BAALC: variants seen among roughly 807,000 people sequenced by gnomAD.
The protein encoded by BAALC is BAALC binder of MAP3K1 and KLF4, also known as brain and acute leukemia cytoplasmic protein.
A neutral mutation model predicts 15.5 loss-of-function variants in BAALC; 9 were observed. That is an observed-to-expected ratio of 0.58 (90% CI 0.35 to 1.02). The LOEUF is 1.02. BAALC is among the 50% of genes least tolerant of loss of function. The pLI, the probability that BAALC is intolerant of heterozygous loss-of-function variation, is 0.02. For synonymous variants in BAALC, 80 were observed against 74.6 expected (o/e 1.07, Z -0.37); for missense variants, 201 against 192.4 (o/e 1.04, Z -0.27).
Position 103,154,722 on chromosome 8 carries a change from T to C in BAALC, c.160+13665T>C, listed in dbSNP as rs1256806787. ...TGCTGCTCCTGCCCTTCTGCTTCAG[T>C]TATGTGTTCCCTGATAGCACACACC... On this transcript the variant is annotated intron_variant, in intron 1 of 2. Coordinates refer to ENST00000309982, the MANE Select transcript of BAALC (RefSeq NM_024812.3). The C allele has an allele frequency of 9.1e-5, 14 of 154,554 alleles. No individual in the cohort carries two copies. The East Asian group carries it at 2.7e-3, about 30-fold the overall frequency. The allele number at this position is 154,554 out of a possible 1,614,324, so 9.6% of individuals were successfully genotyped here.
rs79567906 is a variant in BAALC, at chr8:103,203,306, G to A, written c.161-9613G>A. Among the ~76,000 whole-genome samples, 66 of 152,318 alleles carry A rather than the reference G, an allele frequency of 4.3e-4. 1 individual carries two copies. The East Asian group carries it at 0.011, about 24-fold the overall frequency. On this transcript the variant is annotated intron_variant, in intron 1 of 2. Coordinates refer to ENST00000309982, the MANE Select transcript of BAALC (RefSeq NM_024812.3). Reference sequence around the variant, plus strand: ...GCTAGTGCTACATTGTCTAGTATATGAGTCCACTAGTCAGTTTCTCTCCTT... The same window carrying A: ...GCTAGTGCTACATTGTCTAGTATATAAGTCCACTAGTCAGTTTCTCTCCTT...
chr8:103,149,305 G>C (rs757342605), intron 1 of BAALC, among the ~76,000 whole-genome samples: 1 of 152,154 alleles, frequency 6.6e-6, no homozygotes, highest in Admixed American at 6.5e-5. Context: ...CTGAGTGCCC[G>C]TGCTGCTCCA....
intron 1 of BAALC, among the ~76,000 whole-genome samples, chr8:103,189,497 C>G (rs1376681801): frequency 6.6e-6 from 1 of 152,200 alleles, no homozygotes; most frequent in Non-Finnish European, 1.5e-5. Context: ...AGGGAATAGA[C>G]AGCCCAGCTG....
intron 1 of BAALC, among the ~76,000 whole-genome samples, chr8:103,184,022 A>G (rs1037639562): frequency 1.3e-5 from 2 of 152,076 alleles, no homozygotes; most frequent in African/African-American, 2.4e-5. Flanking sequence ...GGGAGAATCC[A>G]TTTCCTTTCC....
Position 103,227,986 on chromosome 8 carries a change from C to A in BAALC, c.328-3C>A. The A allele has an allele frequency of 6.2e-7, 1 of 1,602,224 alleles. No individual in the cohort carries two copies. Among genetic ancestry groups the A allele is most frequent in the Non-Finnish European group, 8.5e-7 (1 of 1,170,522 alleles). On this transcript the variant is annotated splice_polypyrimidine_tract_variant and splice_region_variant and intron_variant, in intron 2 of 2. Coordinates refer to ENST00000309982, the MANE Select transcript of BAALC (RefSeq NM_024812.3). The stretch of plus-strand genomic sequence containing the variant: ...ACTCAATTCACTGTTTTCAACTTAA[C>A]AGGCTAAAAGAGATGCTAAGAGAAT...
intron 1 of BAALC, among the ~76,000 whole-genome samples, chr8:103,182,993 A>G (rs62527649): frequency 0.074 from 11,196 of 152,300 alleles, 578 homozygotes; most frequent in Non-Finnish European, 0.12. Context: ...TTTTCCCAGA[A>G]GCCCCACAGA....
At position 103,228,763 on chromosome 8, in the gene BAALC, G is replaced by T. The variant is rs918759540; in HGVS notation, c.*664G>T. On this transcript the variant is annotated 3_prime_UTR_variant, in exon 3 of 3. Coordinates refer to ENST00000309982, the MANE Select transcript of BAALC (RefSeq NM_024812.3). ...AAGCAGTCATACCTGCTCCTCATCT[G>T]CCTGGAAAGTCCTCCTATTCCAGTG... 2 of 152,262 alleles carry T rather than the reference G, an allele frequency of 1.3e-5. No homozygotes were observed. The highest frequency in any genetic ancestry group is 2.9e-5 in the Non-Finnish European group (2 of 68,098). The allele number at this position is 152,262 out of a possible 1,614,324, so 9.4% of individuals were successfully genotyped here.
At chr8:103,196,701 G>A (rs145404546) in intron 1 of BAALC, among the ~76,000 whole-genome samples, 16 of 152,206 alleles carry the variant, frequency 1.1e-4, no homozygotes, top group African/African-American at 3.6e-4. Flanking sequence ...ATCACCAAAG[G>A]TCTGCAGCAC....
chr8:103,167,939 T>A (rs1251010049), intron 1 of BAALC, among the ~76,000 whole-genome samples: 1 of 152,212 alleles, frequency 6.6e-6, no homozygotes, highest in Admixed American at 6.5e-5. Context: ...CTCAGATAAG[T>A]CTTAGCTGAC....
At chr8:103,183,376 C>T (rs1016940520) in intron 1 of BAALC, 1 of 702,984 alleles carries the variant, frequency 1.4e-6, no homozygotes, top group Admixed American at 2.0e-5. Flanking sequence ...GCCCATTACC[C>T]TCTTGCCTTT....
intron 1 of BAALC, among the ~76,000 whole-genome samples, chr8:103,145,167 A>G (rs772987203): frequency 6.6e-6 from 1 of 152,196 alleles, no homozygotes; most frequent in Admixed American, 6.5e-5. Flanking sequence ...AGACAGCACA[A>G]TTGTCTTCTG....
At chr8:103,215,692 C>A (rs922906374) in intron 2 of BAALC, among the ~76,000 whole-genome samples, 2 of 152,208 alleles carry the variant, frequency 1.3e-5, no homozygotes, top group African/African-American at 4.8e-5. Flanking sequence ...CATTTCGTGT[C>A]TCTGCTCACA....
At chr8:103,165,307 AG>A (rs1811319897) in intron 1 of BAALC, among the ~76,000 whole-genome samples, 1 of 152,192 alleles carries the variant, frequency 6.6e-6, no homozygotes, top group Admixed American at 6.5e-5. Flanking sequence ...GACTGCAGCA[AG>A]CGTTGCTAAA....
chr8:103,183,151 G>A (rs942375192), intron 1 of BAALC, among the ~76,000 whole-genome samples: 2 of 152,168 alleles, frequency 1.3e-5, no homozygotes, highest in African/African-American at 2.4e-5. Context: ...TGGGGAGCTG[G>A]GAGAGCCAGG....
At chr8:103,146,628 A>G (rs1563632947) in intron 1 of BAALC, among the ~76,000 whole-genome samples, 1 of 152,048 alleles carries the variant, frequency 6.6e-6, no homozygotes, top group Admixed American at 6.5e-5. Context: ...CTGTTTGTCA[A>G]TTTCTTCTTG....
At chr8:103,217,364 G>C (rs1812582637) in intron 2 of BAALC, among the ~76,000 whole-genome samples, 1 of 152,352 alleles carries the variant, frequency 6.6e-6, no homozygotes, top group Non-Finnish European at 1.5e-5. Context: ...TCTGTCAGCA[G>C]AGCTACCTCA....
intron 1 of BAALC, among the ~76,000 whole-genome samples, chr8:103,171,605 G>A (rs1017771551): frequency 2.6e-5 from 4 of 152,132 alleles, no homozygotes; most frequent in Non-Finnish European, 5.9e-5. Flanking sequence ...TGTTTTTGCA[G>A]TTGCCCTGGG....
intron 1 of BAALC, among the ~76,000 whole-genome samples, chr8:103,160,723 G>T (rs1334195191): frequency 1.3e-5 from 2 of 152,124 alleles, no homozygotes; most frequent in Non-Finnish European, 2.9e-5. Context: ...GGAGCAAGGA[G>T]AGCCCGTTTG....
intron 1 of BAALC, among the ~76,000 whole-genome samples, chr8:103,143,893 C>T (rs752781422): frequency 6.6e-6 from 1 of 152,174 alleles, no homozygotes; most frequent in Non-Finnish European, 1.5e-5. Context: ...CTGAGGTTTT[C>T]CCACTTGAAT....
Sources: allele counts gnomAD v4.1 joint callset (sites outside exome capture counted in the v4.1 genomes callset), GRCh38; gene constraint gnomAD v4.1.1; transcripts MANE v1.5; gene names NCBI Gene and HGNC (gene_info 2026-07-23, HGNC 2026-07-21).